The following ANK3 variants were observed in gnomAD, a reference collection of about 807,000 sequenced individuals.
The protein encoded by ANK3 is ankyrin-3.
In ANK3, 57 loss-of-function variants were observed where a neutral mutation model predicts 370.9. The ratio of observed to expected loss-of-function variants is 0.15; its 90% CI spans 0.12 to 0.19. The LOEUF is 0.19. Among genes scored for constraint, ANK3 ranks in the 10% least tolerant of loss-of-function variants. The probability of loss-of-function intolerance (pLI) is 1.00; values close to 1 mark genes in which losing one functional copy is unlikely to be tolerated. For missense variants in ANK3, 4,439 were observed against 5,302.1 expected, an observed-to-expected ratio of 0.84 and a Z score of 5.06; for synonymous variants, 1,929 against 1,946.3, an observed-to-expected ratio of 0.99 and a Z score of 0.23.
intron 6 of ANK3, among the ~76,000 whole-genome samples, chr10:60,262,287 G>T (rs1350929805): frequency 1.3e-5 from 2 of 152,150 alleles, no homozygotes; most frequent in African/African-American, 4.8e-5. Flanking sequence ...GATTAGTGCC[G>T]CTGTTTTATT....
chr10:60,398,294 G>T (rs2063284210), intron 2 of ANK3, among the ~76,000 whole-genome samples: 1 of 152,168 alleles, frequency 6.6e-6, no homozygotes, highest in Non-Finnish European at 1.5e-5. Context: ...AATAAGGCTG[G>T]ATGTGGCCTG....
At chr10:60,702,472 T>C (rs1342355678) in intron 1 of ANK3, among the ~76,000 whole-genome samples, 3 of 152,310 alleles carry the variant, frequency 2.0e-5, no homozygotes, top group South Asian at 4.1e-4. Context: ...GGGTATATAC[T>C]GTGGGATAAA....
chr10:60,143,695 TCTATTCATGCCCTTG>T (rs1329512760), intron 23 of ANK3, among the ~76,000 whole-genome samples: 1 of 152,212 alleles, frequency 6.6e-6, no homozygotes, highest in East Asian at 1.9e-4. Context: ...TATGTTTCCT[TCTATTCATGCCCTTG>T]CATAGTACCC....
intron 5 of ANK3, among the ~76,000 whole-genome samples, chr10:60,269,658 C>CAA (rs199563738): frequency 6.4e-5 from 8 of 124,982 alleles, no homozygotes; most frequent in East Asian, 2.4e-4. Flanking sequence ...TCCCCCCCCC[C>CAA]AAAAAAAGTA....
intron 1 of ANK3, among the ~76,000 whole-genome samples, chr10:60,313,081 G>T (rs2046684105): frequency 6.6e-6 from 1 of 152,128 alleles, no homozygotes; most frequent in South Asian, 2.1e-4. Flanking sequence ...CTTCACCTTT[G>T]CTCCTTTTTC....
intron 1 of ANK3, among the ~76,000 whole-genome samples, chr10:60,310,988 T>C (rs1276333437): frequency 6.6e-6 from 1 of 152,188 alleles, no homozygotes; most frequent in Non-Finnish European, 1.5e-5. Flanking sequence ...CAGCCACCTT[T>C]AATCTCCCTC....
intron 1 of ANK3, among the ~76,000 whole-genome samples, chr10:60,308,450 A>T (rs541992809): frequency 3.3e-5 from 5 of 151,880 alleles, no homozygotes; most frequent in African/African-American, 1.2e-4. Context: ...TAATTTTTAT[A>T]ATTTTAGTAG....
intron 26 of ANK3, among the ~76,000 whole-genome samples, chr10:60,113,740 T>C (rs2092887709): frequency 6.6e-6 from 1 of 152,030 alleles, no homozygotes; most frequent in South Asian, 2.1e-4. Context: ...TACTAAATAT[T>C]TGAGAGAAAT....
intron 1 of ANK3, among the ~76,000 whole-genome samples, chr10:60,360,354 CATTTT>C (rs2058409192): frequency 6.6e-6 from 1 of 152,116 alleles, no homozygotes; most frequent in Admixed American, 6.5e-5. Context: ...ACATCTATTT[CATTTT>C]GTTTTTAATA....
At chr10:60,550,726 C>T (rs937882012) in intron 2 of ANK3, among the ~76,000 whole-genome samples, 19 of 152,010 alleles carry the variant, frequency 1.2e-4, no homozygotes, top group African/African-American at 3.1e-4. Flanking sequence ...ATGAACACAG[C>T]GCATTCTGGC....
intron 1 of ANK3, among the ~76,000 whole-genome samples, chr10:60,636,218 T>G (rs2078552755): frequency 1.3e-5 from 2 of 152,168 alleles, no homozygotes; most frequent in Non-Finnish European, 2.9e-5. Flanking sequence ...ATGAAGAAAT[T>G]TAGCTTCTCT....
At chr10:60,589,821 T>G (rs2077885086) in intron 2 of ANK3, among the ~76,000 whole-genome samples, 1 of 152,240 alleles carries the variant, frequency 6.6e-6, no homozygotes, top group African/African-American at 2.4e-5. Flanking sequence ...AATGTACTAT[T>G]TCAACAAACT....
At chr10:60,337,428 C>T (rs1169947277) in intron 1 of ANK3, among the ~76,000 whole-genome samples, 2 of 152,126 alleles carry the variant, frequency 1.3e-5, no homozygotes, top group African/African-American at 2.4e-5. Flanking sequence ...CCAAACATCA[C>T]ATTTTCCCAC....
chr10:60,499,725 G>T (rs2075750199), intron 2 of ANK3, among the ~76,000 whole-genome samples: 1 of 152,118 alleles, frequency 6.6e-6, no homozygotes. Flanking sequence ...ATAACAAAAA[G>T]GAAGGCTTGG....
chr10:60,505,413 A>T lies in ANK3; in HGVS notation c.96+109773T>A, dbSNP rs1217139248. Among the ~76,000 whole-genome samples, 3 of 152,116 alleles carry T rather than the reference A, an allele frequency of 2.0e-5. No homozygotes were observed. The East Asian group carries it at 5.8e-4, about 29-fold the overall frequency. On this transcript the variant is annotated intron_variant, in intron 2 of 43. Coordinates refer to the ANK3 transcript ENST00000373827. ...GCCTAATATTTTATATTAAACATTA[A>T]TCTTTTATTTCATCTACCAAGATAT...
chr10:60,049,884 T>A (rs2077603991), intron 42 of ANK3, among the ~76,000 whole-genome samples: 1 of 152,194 alleles, frequency 6.6e-6, no homozygotes, highest in Non-Finnish European at 1.5e-5. Flanking sequence ...GCCTTCCACT[T>A]TTTTTGCATG....
At chr10:60,112,990 A>G (rs1421408595) in intron 26 of ANK3, among the ~76,000 whole-genome samples, 1 of 152,224 alleles carries the variant, frequency 6.6e-6, no homozygotes, top group Non-Finnish European at 1.5e-5. Context: ...GATTCTACTT[A>G]TATGGATGTC....
chr10:60,500,286 GA>G (rs1426851155), intron 2 of ANK3, among the ~76,000 whole-genome samples: 1 of 152,118 alleles, frequency 6.6e-6, no homozygotes, highest in Non-Finnish European at 1.5e-5. Flanking sequence ...TTTGTAAACT[GA>G]ACTCTAGGAA....
chr10:60,601,355 C>A (rs10761527), intron 2 of ANK3, among the ~76,000 whole-genome samples: 80,783 of 151,604 alleles, frequency 0.53, 21,588 homozygotes, highest in East Asian at 0.7. Flanking sequence ...GCAAAAATTG[C>A]CTTGTTCAGG....
Sources: allele counts gnomAD v4.1 joint callset (sites outside exome capture counted in the v4.1 genomes callset), GRCh38; gene constraint gnomAD v4.1.1; transcripts MANE v1.5; gene names NCBI Gene and HGNC (gene_info 2026-07-23, HGNC 2026-07-21).